Variants in GSN observed in about 807,000 individuals in gnomAD.
The protein encoded by GSN is actin-depolymerizing factor.
In GSN, 56 loss-of-function variants were observed where a neutral mutation model predicts 85.7. The observed-to-expected ratio is 0.65, with a 90% CI of 0.53 to 0.82. The LOEUF (loss-of-function observed/expected upper bound fraction) is 0.82. GSN is among the 40% of genes least tolerant of loss of function. The pLI, the probability that GSN is intolerant of heterozygous loss-of-function variation, is 0.00. For synonymous variants in GSN, 373 were observed against 399.1 expected (o/e 0.93, Z 0.78); for missense variants, 857 against 979.8 (o/e 0.87, Z 1.67).
chr9:121,215,815 G>A (rs938038509), intron 4 of GSN, among the ~76,000 whole-genome samples: 4 of 151,598 alleles, frequency 2.6e-5, no homozygotes, highest in South Asian at 4.2e-4. Flanking sequence ...TAATTATAAT[G>A]TTTATGATTA....
intron 1 of GSN, among the ~76,000 whole-genome samples, chr9:121,273,377 G>A (rs183917081): frequency 6.6e-6 from 1 of 152,166 alleles, no homozygotes; most frequent in African/African-American, 2.4e-5. Context: ...GGTTTTGGTG[G>A]GTACTAAGTA....
chr9:121,315,157 G>A (rs995214713), intron 7 of GSN, among the ~76,000 whole-genome samples: 2 of 152,210 alleles, frequency 1.3e-5, no homozygotes, highest in South Asian at 2.1e-4. Context: ...CAACGCTCCC[G>A]GCCATTTCTA....
At chr9:121,207,762 C>CTTTTTT (rs71370636), upstream of GSN, 4 of 148,012 alleles carry the variant, frequency 2.7e-5, no homozygotes, top group African/African-American at 2.5e-5. Context: ...TAACTTCTCT[C>CTTTTTT]TTTTTTTTTT....
chr9:121,264,496 A>G (rs1195080057), upstream of GSN, among the ~76,000 whole-genome samples: 1 of 152,214 alleles, frequency 6.6e-6, no homozygotes, highest in Non-Finnish European at 1.5e-5. Flanking sequence ...AGTTCGTAAG[A>G]AAACAACACT....
intron 2 of GSN, among the ~76,000 whole-genome samples, chr9:121,295,862 C>T (rs773405090): frequency 9.9e-5 from 15 of 152,236 alleles, no homozygotes; most frequent in Non-Finnish European, 1.8e-4. Context: ...AGGACATGCT[C>T]ATGTACTGAG....
At chr9:121,330,653 A>G (rs1309869919) in intron 16 of GSN, among the ~76,000 whole-genome samples, 1 of 152,252 alleles carries the variant, frequency 6.6e-6, no homozygotes, top group African/African-American at 2.4e-5. Flanking sequence ...CTTTGAAGTA[A>G]TATTTTAGAT....
intron 1 of GSN, among the ~76,000 whole-genome samples, chr9:121,277,381 G>T (rs1455833773): frequency 6.6e-6 from 1 of 152,234 alleles, no homozygotes; most frequent in African/African-American, 2.4e-5. Context: ...CTGGGGTGGG[G>T]CCTGAGGCTC....
chr9:121,273,063 G>C (rs895617059), intron 1 of GSN, among the ~76,000 whole-genome samples: 4 of 152,072 alleles, frequency 2.6e-5, no homozygotes, highest in Non-Finnish European at 4.4e-5. Context: ...TAAGGGATGA[G>C]AACAGTTTTC....
At chr9:121,320,954 G>C (rs1000118765) in intron 10 of GSN, among the ~76,000 whole-genome samples, 2 of 152,126 alleles carry the variant, frequency 1.3e-5, no homozygotes, top group African/African-American at 2.4e-5. Context: ...GCCTGATTTG[G>C]GGTCTGTGTC....
At chr9:121,264,172 G>T (rs1390888434), upstream of GSN, among the ~76,000 whole-genome samples, 1 of 152,126 alleles carries the variant, frequency 6.6e-6, no homozygotes, top group Non-Finnish European at 1.5e-5. Flanking sequence ...ATGGAAATTT[G>T]GCCAGGTGTG....
intron 5 of GSN, among the ~76,000 whole-genome samples, chr9:121,245,039 A>G (rs936703660): frequency 8.5e-5 from 13 of 152,138 alleles, no homozygotes; most frequent in African/African-American, 2.9e-4. Flanking sequence ...TTAAGAAAAA[A>G]TCAAATTCCT....
At chr9:121,275,766 C>A (rs983910683) in intron 1 of GSN, among the ~76,000 whole-genome samples, 2 of 152,196 alleles carry the variant, frequency 1.3e-5, no homozygotes, top group African/African-American at 2.4e-5. Context: ...TTCATGGTTG[C>A]ATAAAATATA....
At chr9:121,298,277 C>A (rs964568527) in intron 2 of GSN, among the ~76,000 whole-genome samples, 4 of 152,230 alleles carry the variant, frequency 2.6e-5, no homozygotes, top group South Asian at 2.1e-4. Context: ...CGTCCCCTCC[C>A]CCTGGAATGT....
chr9:121,329,188 C>T lies in GSN; in HGVS notation c.1888-50C>T, dbSNP rs1365291530. 5 of 1,501,578 alleles carry T rather than the reference C, an allele frequency of 3.3e-6. No homozygotes were observed. The East Asian group carries it at 1.1e-4, about 34-fold the overall frequency. The allele number at this position is 1,501,578 out of a possible 1,614,324, so 93.0% of individuals were successfully genotyped here. ...CCTCAGGGGGCAGATAAAGGAAGGCCACCCAGGGGAGGGAAGACATCTCAC... is the reference window on the plus strand; with the variant it reads ...CCTCAGGGGGCAGATAAAGGAAGGCTACCCAGGGGAGGGAAGACATCTCAC... On this transcript the variant is annotated intron_variant, in intron 15 of 17. Transcript: ENST00000432226. The surrounding 1 kb of genome is among the most constrained non-coding windows in gnomAD (Gnocchi z 4.6).
intron 4 of GSN, 95 bp from the exon 5 acceptor site, chr9:121,310,589 C>A: frequency 8.2e-7 from 1 of 1,220,006 alleles, no homozygotes; most frequent in Non-Finnish European, 1.2e-6. Context: ...GGTCCACAAG[C>A]CAGAATTTCC....
intron 1 of GSN, among the ~76,000 whole-genome samples, chr9:121,280,604 T>C (rs1441429232): frequency 6.6e-6 from 1 of 152,172 alleles, no homozygotes; most frequent in Non-Finnish European, 1.5e-5. Flanking sequence ...AAAGATACAA[T>C]TTGCAGGCAA....
At position 121,326,569 on chromosome 9, in the gene GSN, C is replaced by A. The variant is rs1564588065; in HGVS notation, c.1474C>A (p.Pro492Thr). 1.9e-6 allele frequency: 3 copies of A among 1,613,852 alleles called. No homozygotes were observed. Among genetic ancestry groups the A allele is most frequent in the Non-Finnish European group, 2.5e-6 (3 of 1,179,972 alleles). ...AHLMSLFGGK[P>T]MIIYKGGTSR... ...CCTCATGAGCCTGTTTGGTGGGAAG[C>A]CCATGATCATCTACAAGGGCGGCAC... The change falls in exon 13 of 18, where the codon CCC becomes ACC. Residue 492 changes from proline to threonine, a missense_variant. By Grantham distance (38) the Pro-to-Thr change is conservative (BLOSUM62 -1). Coordinates refer to ENST00000432226, the MANE Select transcript of GSN (RefSeq NM_198252.3).
intron 12 of GSN, among the ~76,000 whole-genome samples, chr9:121,326,082 A>G (rs967205505): frequency 6.7e-6 from 1 of 149,812 alleles, no homozygotes; most frequent in African/African-American, 2.5e-5. Flanking sequence ...TCTGGGGTGC[A>G]CTGGCTCTGC....
chr9:121,303,975 G>T (rs1307374176), intron 4 of GSN, among the ~76,000 whole-genome samples: 1 of 152,186 alleles, frequency 6.6e-6, no homozygotes, highest in Non-Finnish European at 1.5e-5. Context: ...GCGAATTGGT[G>T]CCAGACCCAG....
Sources: allele counts gnomAD v4.1 joint callset (sites outside exome capture counted in the v4.1 genomes callset), GRCh38; gene constraint gnomAD v4.1.1; non-coding constraint Gnocchi (gnomAD v3.1); transcripts MANE v1.5; gene names NCBI Gene and HGNC (gene_info 2026-07-23, HGNC 2026-07-21).